The following CCN4 variants were observed in gnomAD, a reference collection of about 807,000 sequenced individuals.
The protein encoded by CCN4 is CCN family member 4.
A neutral mutation model predicts 36.7 loss-of-function variants in CCN4; 30 were observed. The ratio of observed to expected loss-of-function variants is 0.82; its 90% CI spans 0.61 to 1.11. The LOEUF is 1.11. Among genes scored for constraint, CCN4 ranks in the 50% least tolerant of loss-of-function variants. The probability of loss-of-function intolerance (pLI) is 0.00; values close to 1 mark genes in which losing one functional copy is unlikely to be tolerated. For missense variants in CCN4, 505 were observed against 504.9 expected (o/e 1.00, Z 0.00); for synonymous variants, 191 against 195.4 (o/e 0.98, Z 0.19).
At chr8:133,193,383 G>A (rs569716193) in intron 1 of CCN4, among the ~76,000 whole-genome samples, 1 of 152,330 alleles carries the variant, frequency 6.6e-6, no homozygotes, top group Admixed American at 6.5e-5. Context: ...GAAGATGGCA[G>A]CCCAGAAGGA....
intron 2 of CCN4, among the ~76,000 whole-genome samples, chr8:133,216,114 G>A (rs1457282349): frequency 6.6e-6 from 1 of 152,060 alleles, no homozygotes; most frequent in African/African-American, 2.4e-5. Context: ...CTACCATAGT[G>A]TCTGAATTCA....
chr8:133,196,521 G>T (rs1054575222), intron 1 of CCN4, among the ~76,000 whole-genome samples: 1 of 151,888 alleles, frequency 6.6e-6, no homozygotes, highest in African/African-American at 2.4e-5. Flanking sequence ...GGCTCTTATT[G>T]TATTTTACTA....
Position 133,227,886 on chromosome 8 carries a change from G to A in CCN4, c.*176G>A, listed in dbSNP as rs1478747263. On this transcript the variant is annotated 3_prime_UTR_variant, in exon 5 of 5. Transcript: ENST00000250160. ...ATGGTGCTGCTCAGGCCCATGCTAT[G>A]AGTTTTCTCCTTGATATCATTCAGC... The A allele has an allele frequency of 7.2e-6, 5 of 696,208 alleles. No individual in the cohort carries two copies. Among genetic ancestry groups the A allele is most frequent in the Non-Finnish European group, 1.2e-5 (5 of 430,098 alleles). The allele number at this position is 696,208 out of a possible 1,614,324, so 43.1% of individuals were successfully genotyped here.
intron 1 of CCN4, among the ~76,000 whole-genome samples, chr8:133,196,284 G>A (rs1425561567): frequency 6.6e-6 from 1 of 152,188 alleles, no homozygotes; most frequent in Admixed American, 6.5e-5. Context: ...AAATGAGGCT[G>A]GTCCCAGCTG....
chr8:133,230,077 AG>A lies in CCN4; in HGVS notation c.*2368del, dbSNP rs1276548463. On this transcript the variant is annotated 3_prime_UTR_variant, in exon 5 of 5. Transcript: ENST00000250160. ...TTGGGAAACTGAACTTAGCTTTCAA[AG>A]ATCATAGGAAGTCTGGTTGGAGAAA... is the stretch of plus-strand genomic sequence containing the variant. The A allele has an allele frequency of 6.6e-6, 1 of 152,264 alleles. No individual in the cohort carries two copies. The highest frequency in any genetic ancestry group is 2.4e-5 in the African/African-American group (1 of 41,476). 9.4% of individuals were successfully genotyped at this position (152,264 alleles called of 1,614,324 possible). A position where few individuals can be genotyped will look rare whatever the true frequency, so the allele number is the denominator to read the frequency against.
intron 1 of CCN4, among the ~76,000 whole-genome samples, chr8:133,191,488 G>A (rs1194177467): frequency 3.3e-5 from 5 of 152,110 alleles, no homozygotes; most frequent in South Asian, 2.1e-4. Context: ...CAGAAAGAAC[G>A]GGGCCCTCAG....
At position 133,225,527 on chromosome 8, in the gene CCN4, G is replaced by C; in HGVS notation, c.748G>C (p.Glu250Gln). Residue 250 changes from glutamate (E) to glutamine (Q), a missense_variant, in exon 4 of 5, where the codon GAG becomes CAG. Coordinates refer to ENST00000250160, the MANE Select transcript of CCN4 (RefSeq NM_003882.4). ...NVNAQCWPEQ[E>Q]SRLCNLRPCD... ...TAACGCCCAGTGCTGGCCTGAGCAA[G>C]AGAGCCGCCTCTGCAACTTGCGGCC... The C allele has an allele frequency of 6.2e-7, 1 of 1,613,672 alleles. No individual in the cohort carries two copies. Among genetic ancestry groups the C allele is most frequent in the Non-Finnish European group, 8.5e-7 (1 of 1,179,684 alleles).
At chr8:133,216,054 A>G (rs28737345) in intron 2 of CCN4, among the ~76,000 whole-genome samples, 69,640 of 151,944 alleles carry the variant, frequency 0.46, 16,421 homozygotes, top group Middle Eastern at 0.57. Flanking sequence ...GTGCCCACAC[A>G]TGCACAAACA....
chr8:133,223,834 C>T (rs925207461), intron 3 of CCN4, among the ~76,000 whole-genome samples: 2 of 152,192 alleles, frequency 1.3e-5, no homozygotes, highest in African/African-American at 2.4e-5. Context: ...TCTGTCTTAA[C>T]AGCTTTTAAC....
Position 133,229,548 on chromosome 8 carries a change from G to A in CCN4, c.*1838G>A, listed in dbSNP as rs933672765. ...AATGCTGCATATTGAATGTTGTGTA[G>A]TTATTCACAGGGAATTCTGTGCAGT... is the stretch of plus-strand genomic sequence containing the variant. On this transcript the variant is annotated 3_prime_UTR_variant, in exon 5 of 5. Coordinates refer to ENST00000250160, the MANE Select transcript of CCN4 (RefSeq NM_003882.4). 2.0e-5 allele frequency: 3 copies of A among 152,214 alleles called. No homozygotes were observed. Among genetic ancestry groups the A allele is most frequent in the African/African-American group, 4.8e-5 (2 of 41,450 alleles). 9.4% of individuals were successfully genotyped at this position (152,214 alleles called of 1,614,324 possible).
intron 1 of CCN4, among the ~76,000 whole-genome samples, chr8:133,194,094 C>T (rs887268551): frequency 6.6e-6 from 1 of 152,026 alleles, no homozygotes. Flanking sequence ...ATTCAGCAAA[C>T]GAAAGCTGAG....
At position 133,220,656 on chromosome 8, in the gene CCN4, A is replaced by T; in HGVS notation, c.425A>T (p.Tyr142Phe). 6.2e-7 allele frequency: 1 copy of T among 1,614,192 alleles called. No homozygotes were observed. Among genetic ancestry groups the T allele is most frequent in the Non-Finnish European group, 8.5e-7 (1 of 1,180,024 alleles). ...NGQSFQPNCK[Y>F]NCTCIDGAVG... is the part of the protein sequence containing the mutation. ...CAGTCCTTCCAGCCTAACTGCAAGT[A>T]CAACTGCACGTGCATCGACGGCGCG... The change falls in exon 3 of 5, where the codon TAC becomes TTC. Residue 142 changes from tyrosine (Y) to phenylalanine (F), a missense_variant. Physicochemically the swap from Tyr to Phe is conservative, Grantham distance 22. Coordinates refer to ENST00000250160, the MANE Select transcript of CCN4 (RefSeq NM_003882.4).
intron 1 of CCN4, among the ~76,000 whole-genome samples, chr8:133,194,602 GT>G (rs2130519108): frequency 7.7e-6 from 1 of 129,686 alleles, no homozygotes; most frequent in African/African-American, 3.0e-5. Context: ...TGGGGTGTGT[GT>G]GTGTGGGTTT....
At chr8:133,214,898 G>T (rs1854265134) in intron 2 of CCN4, among the ~76,000 whole-genome samples, 1 of 152,130 alleles carries the variant, frequency 6.6e-6, no homozygotes, top group South Asian at 2.1e-4. Flanking sequence ...GAGGTGGATT[G>T]TCCATGAGGG....
chr8:133,224,790 C>T (rs576657059), intron 3 of CCN4, among the ~76,000 whole-genome samples: 1 of 151,978 alleles, frequency 6.6e-6, no homozygotes, highest in South Asian at 2.1e-4. Flanking sequence ...CAAAATTAGC[C>T]GGGCATGGTG....
intron 1 of CCN4, among the ~76,000 whole-genome samples, chr8:133,206,998 G>A (rs1853799659): frequency 1.3e-5 from 2 of 152,202 alleles, no homozygotes; most frequent in Non-Finnish European, 2.9e-5. Context: ...GGAAGGCGGG[G>A]GGGAAACTAT....
Position 133,224,224 on chromosome 8 carries a change from AAGTCCT to A in CCN4, c.611-1165_611-1160del. 2.9e-5 allele frequency among the ~76,000 whole-genome samples: 2 copies of A among 68,866 alleles called. 1 individual carries two copies. The highest frequency in any genetic ancestry group is 1.1e-3 in the South Asian group (2 of 1,872). The allele number at this position is 68,866 out of a possible 152,430, so 45.2% of individuals were successfully genotyped here. A position where few individuals can be genotyped will look rare whatever the true frequency, so the allele number is the denominator to read the frequency against. ...CTGGTGATTTGAATTTGAAGCCCGTAAGTCCTTTTTTTTTTTTTTTTTTTTTTTTTT... is the reference window on the plus strand; with the variant it reads ...CTGGTGATTTGAATTTGAAGCCCGTATTTTTTTTTTTTTTTTTTTTTTTTT... On this transcript the variant is annotated intron_variant, in intron 3 of 4. Transcript: ENST00000250160.
At chr8:133,196,431 C>T (rs892960857) in intron 1 of CCN4, among the ~76,000 whole-genome samples, 4 of 152,208 alleles carry the variant, frequency 2.6e-5, no homozygotes, top group Non-Finnish European at 5.9e-5. Flanking sequence ...GGGTTAAACA[C>T]AATCTATTAT....
intron 1 of CCN4, among the ~76,000 whole-genome samples, chr8:133,191,464 C>A (rs545440551): frequency 1.3e-5 from 2 of 152,294 alleles, no homozygotes; most frequent in African/African-American, 2.4e-5. Flanking sequence ...CCTCTCTCCC[C>A]ACCTGAAACA....
Sources: gnomAD v4.1 joint callset for allele counts (sites outside exome capture counted in the v4.1 genomes callset) on GRCh38, gnomAD v4.1.1 for gene constraint, MANE v1.5 for transcripts, NCBI Gene and HGNC (gene_info 2026-07-23, HGNC 2026-07-21) for gene names.